Variants in ERBB4 observed in about 807,000 individuals in gnomAD.
The protein encoded by ERBB4 is erb-b2 receptor tyrosine kinase 4.
Under a neutral mutation model 158.0 loss-of-function variants are expected in ERBB4, and 42 were observed. The observed-to-expected ratio is 0.27, with a 90% CI of 0.21 to 0.34. The LOEUF is 0.34. Among genes scored for constraint, ERBB4 ranks in the 10% least tolerant of loss-of-function variants. The pLI, the probability that ERBB4 is intolerant of heterozygous loss-of-function variation, is 1.00. For synonymous variants in ERBB4, 583 were observed against 558.7 expected, an observed-to-expected ratio of 1.04 and a Z score of -0.61; for missense variants, 1,333 against 1,624.1, an observed-to-expected ratio of 0.82 and a Z score of 3.08.
At chr2:211,478,553 T>C (rs1187052577) in intron 20 of ERBB4, among the ~76,000 whole-genome samples, 1 of 152,156 alleles carries the variant, frequency 6.6e-6, no homozygotes, top group Non-Finnish European at 1.5e-5. Context: ...TCCCACTTCA[T>C]TTCCAATTAG....
chr2:212,458,408 G>C (rs1416477256), intron 1 of ERBB4, among the ~76,000 whole-genome samples: 1 of 152,088 alleles, frequency 6.6e-6, no homozygotes, highest in Non-Finnish European at 1.5e-5. Flanking sequence ...GTAGAGAAAG[G>C]TGCATGCATG....
chr2:211,894,751 G>T (rs538937646), intron 3 of ERBB4, among the ~76,000 whole-genome samples: 1 of 152,202 alleles, frequency 6.6e-6, no homozygotes, highest in Non-Finnish European at 1.5e-5. Flanking sequence ...AGCTGAAGTA[G>T]TCTATGTAAT....
Position 211,383,547 on chromosome 2 carries a change from A to G in ERBB4, c.*68T>C. On this transcript the variant is annotated 3_prime_UTR_variant, in exon 28 of 28. Transcript: ENST00000342788. Reference sequence around the variant, plus strand: ...GCCTTGGGGTAGAAGGAAGACCACCAGAGAAAGAGAGGGGGGTGGGGAAAT... The same window carrying G: ...GCCTTGGGGTAGAAGGAAGACCACCGGAGAAAGAGAGGGGGGTGGGGAAAT... The G allele has an allele frequency of 1.5e-6, 2 of 1,330,622 alleles. No homozygotes were observed. Among genetic ancestry groups the G allele is most frequent in the Non-Finnish European group, 2.2e-6 (2 of 925,368 alleles). 82.4% of individuals were successfully genotyped at this position (1,330,622 alleles called of 1,614,324 possible).
intron 1 of ERBB4, among the ~76,000 whole-genome samples, chr2:212,408,507 G>C (rs1234575653): frequency 6.6e-6 from 1 of 152,184 alleles, no homozygotes; most frequent in East Asian, 1.9e-4. Flanking sequence ...GCCAGGCATG[G>C]GGCCACATGC....
chr2:212,239,782 T>C (rs894314737), intron 1 of ERBB4, among the ~76,000 whole-genome samples: 9 of 152,166 alleles, frequency 5.9e-5, no homozygotes, highest in Admixed American at 6.5e-5. Flanking sequence ...TAGAAAATTA[T>C]GCTAATATAT....
chr2:212,191,577 ATG>A, intron 1 of ERBB4, among the ~76,000 whole-genome samples: 1 of 146,000 alleles, frequency 6.8e-6, no homozygotes, highest in African/African-American at 2.5e-5. Context: ...CACATGTGTT[ATG>A]CCTGTTATAT....
At chr2:211,408,752 C>T (rs1197609928) in intron 25 of ERBB4, among the ~76,000 whole-genome samples, 1 of 152,128 alleles carries the variant, frequency 6.6e-6, no homozygotes, top group African/African-American at 2.4e-5. Flanking sequence ...AGCTCTTAAC[C>T]AAGTTACTGA....
intron 3 of ERBB4, among the ~76,000 whole-genome samples, chr2:211,843,484 A>G (rs957801136): frequency 6.6e-6 from 1 of 152,120 alleles, no homozygotes; most frequent in South Asian, 2.1e-4. Context: ...AAGTCATTGT[A>G]TACCACAGAC....
intron 1 of ERBB4, among the ~76,000 whole-genome samples, chr2:212,164,655 T>A (rs1408841902): frequency 6.6e-6 from 1 of 151,660 alleles, no homozygotes; most frequent in African/African-American, 2.4e-5. Flanking sequence ...ATCAGATAGG[T>A]CTGATGCAAT....
chr2:211,589,873 G>A (rs1185123541), intron 19 of ERBB4, among the ~76,000 whole-genome samples: 3 of 152,120 alleles, frequency 2.0e-5, no homozygotes, highest in Non-Finnish European at 4.4e-5. Flanking sequence ...AAGAGCATCT[G>A]ATCAATTTGT....
intron 2 of ERBB4, among the ~76,000 whole-genome samples, chr2:212,031,381 A>C (rs2076898847): frequency 6.6e-6 from 1 of 152,146 alleles, no homozygotes; most frequent in Non-Finnish European, 1.5e-5. Context: ...AACATAACAT[A>C]TATTAGAAAT....
intron 1 of ERBB4, among the ~76,000 whole-genome samples, chr2:212,453,375 G>C (rs1430249559): frequency 6.6e-6 from 1 of 152,122 alleles, no homozygotes; most frequent in East Asian, 1.9e-4. Flanking sequence ...CAAAAATGGA[G>C]ATATTCAAGA....
chr2:211,660,469 C>A (rs1260101101), intron 15 of ERBB4, among the ~76,000 whole-genome samples: 2 of 152,274 alleles, frequency 1.3e-5, no homozygotes, highest in Non-Finnish European at 1.5e-5. Flanking sequence ...ACATTTCTAG[C>A]TTTGCTAATA....
chr2:211,827,911 C>T (rs1048262784), intron 3 of ERBB4, among the ~76,000 whole-genome samples: 6 of 152,088 alleles, frequency 3.9e-5, no homozygotes, highest in Admixed American at 2.0e-4. Flanking sequence ...CTATAAGACA[C>T]ATTCATGATC....
At chr2:212,529,771 G>A (rs1287483270) in intron 1 of ERBB4, among the ~76,000 whole-genome samples, 1 of 152,158 alleles carries the variant, frequency 6.6e-6, no homozygotes, top group South Asian at 2.1e-4. Flanking sequence ...ATATTGATAA[G>A]GACTACTGGC....
rs1026343795 is a variant in ERBB4, at chr2:212,004,990, T to A, written c.235-57374A>T. Among the ~76,000 whole-genome samples, 12 of 152,282 alleles carry A rather than the reference T, an allele frequency of 7.9e-5. No homozygotes were observed. In the East Asian group the frequency reaches 1.5e-3, roughly 20 times the overall value. On this transcript the variant is annotated intron_variant, in intron 2 of 27. Coordinates refer to ENST00000342788, the MANE Select transcript of ERBB4 (RefSeq NM_005235.3). The stretch of plus-strand genomic sequence containing the variant: ...CTTACTTAATCCTTCATTTGCATAT[T>A]GGCTAATTGTTTCTCTAATATAAGC...
At chr2:212,054,643 C>T (rs1391030171) in intron 2 of ERBB4, among the ~76,000 whole-genome samples, 1 of 152,144 alleles carries the variant, frequency 6.6e-6, no homozygotes, top group Non-Finnish European at 1.5e-5. Context: ...TCTCCAGTGC[C>T]AATCCTAGAG....
At chr2:211,928,097 C>T (rs139889717) in intron 3 of ERBB4, among the ~76,000 whole-genome samples, 165 of 152,154 alleles carry the variant, frequency 1.1e-3, no homozygotes, top group African/African-American at 2.8e-3. Flanking sequence ...GTAGGTCACG[C>T]ACCTGGAATA....
chr2:211,860,974 T>A (rs1467195539), intron 3 of ERBB4, among the ~76,000 whole-genome samples: 2 of 97,858 alleles, frequency 2.0e-5, no homozygotes, highest in South Asian at 3.1e-4. Flanking sequence ...ATAAATATAT[T>A]TAAATATATT....
Sources: allele counts gnomAD v4.1 joint callset (sites outside exome capture counted in the v4.1 genomes callset), GRCh38; gene constraint gnomAD v4.1.1; transcripts MANE v1.5; gene names NCBI Gene and HGNC (gene_info 2026-07-23, HGNC 2026-07-21).